Variants in WWC2 observed in about 807,000 individuals in gnomAD.
WWC2 encodes the protein protein WWC2.
A neutral mutation model predicts 138.5 loss-of-function variants in WWC2; 101 were observed. The observed-to-expected ratio is 0.73, with a 90% CI of 0.62 to 0.86. The LOEUF is 0.86. WWC2 is among the 40% of genes least tolerant of loss of function. The pLI is 0.00. For synonymous variants in WWC2, 558 were observed against 538.4 expected, an observed-to-expected ratio of 1.04 and a Z score of -0.50; for missense variants, 1,420 against 1,419.4, an observed-to-expected ratio of 1.00 and a Z score of -0.01.
chr4:183,202,800 C>T (rs1735338701), intron 2 of WWC2, among the ~76,000 whole-genome samples: 1 of 152,100 alleles, frequency 6.6e-6, no homozygotes, highest in Admixed American at 6.6e-5. Flanking sequence ...AGCCTTAGTT[C>T]TAGACACAGA....
chr4:183,209,483 C>T (rs915961926), intron 4 of WWC2, among the ~76,000 whole-genome samples: 6 of 152,266 alleles, frequency 3.9e-5, no homozygotes, highest in South Asian at 2.1e-4. Context: ...GTTATCTGCC[C>T]GCCTTAGCCT....
At chr4:183,205,851 G>T (rs1735432147) in intron 2 of WWC2, among the ~76,000 whole-genome samples, 1 of 151,984 alleles carries the variant, frequency 6.6e-6, no homozygotes, top group African/African-American at 2.4e-5. Flanking sequence ...TGAGCTCGGG[G>T]AATTTATCTG....
In WWC2 at chr4:183,263,824, G is replaced by T. The variant is rs1468881906; in HGVS notation, c.1910-1154G>T. 3.9e-5 allele frequency among the ~76,000 whole-genome samples: 6 copies of T among 152,152 alleles called. No homozygotes were observed. In the East Asian group the frequency reaches 1.2e-3, roughly 29 times the overall value. On this transcript the variant is annotated intron_variant, in intron 11 of 22. Transcript: ENST00000403733. ...CTTTTTTTCAGGGGACGTCTGCCCTGCATGTGGGGTGGTGGCTCCCTATCA... is the reference window on the plus strand; with the variant it reads ...CTTTTTTTCAGGGGACGTCTGCCCTTCATGTGGGGTGGTGGCTCCCTATCA...
intron 4 of WWC2, among the ~76,000 whole-genome samples, chr4:183,212,627 G>T (rs1735630459): frequency 6.6e-6 from 1 of 152,102 alleles, no homozygotes; most frequent in Non-Finnish European, 1.5e-5. Context: ...CACTGTAAAT[G>T]GAATAACCAC....
chr4:183,157,984 G>T (rs1733854930), intron 1 of WWC2, among the ~76,000 whole-genome samples: 1 of 151,932 alleles, frequency 6.6e-6, no homozygotes, highest in Non-Finnish European at 1.5e-5. Context: ...CTTTTCTGTA[G>T]TATGCGATGA....
intron 4 of WWC2, among the ~76,000 whole-genome samples, chr4:183,237,268 G>T: frequency 6.6e-6 from 1 of 150,626 alleles, no homozygotes; most frequent in African/African-American, 2.4e-5. Flanking sequence ...TTTCAGCTCA[G>T]ATATTTGAGT....
chr4:183,255,026 C>T (rs921767232), intron 9 of WWC2, among the ~76,000 whole-genome samples: 6 of 152,192 alleles, frequency 3.9e-5, no homozygotes, highest in South Asian at 2.1e-4. Flanking sequence ...CATGGGGACT[C>T]ACCCACCCCA....
At chr4:183,189,924 G>A (rs1734944477) in intron 1 of WWC2, among the ~76,000 whole-genome samples, 1 of 152,174 alleles carries the variant, frequency 6.6e-6, no homozygotes, top group Non-Finnish European at 1.5e-5. Flanking sequence ...CGTAGGACAT[G>A]TATTTGAGTT....
At chr4:183,304,978 T>C (rs932360379) in intron 21 of WWC2, among the ~76,000 whole-genome samples, 2 of 152,212 alleles carry the variant, frequency 1.3e-5, no homozygotes, top group Middle Eastern at 3.4e-3. Context: ...CTAACTGTGG[T>C]TAGTATGCCA....
Position 183,260,907 on chromosome 4 carries a change from C to CA in WWC2, c.1287-2dup. 2 of 1,611,862 alleles carry CA rather than the reference C, an allele frequency of 1.2e-6. No homozygotes were observed. The highest frequency in any genetic ancestry group is 1.7e-6 in the Non-Finnish European group (2 of 1,179,340). ...TTTATGGTGTGTGCTTTTTGTCTTT[C>CA]AGCCTCTCTGCCAGCACCCTGTCCA... On this transcript the variant is annotated splice_polypyrimidine_tract_variant and splice_region_variant and intron_variant, in intron 10 of 22. Transcript: ENST00000403733.
At chr4:183,213,735 G>A (rs1246884078) in intron 4 of WWC2, among the ~76,000 whole-genome samples, 1 of 151,986 alleles carries the variant, frequency 6.6e-6, no homozygotes, top group East Asian at 1.9e-4. Flanking sequence ...TTTTTATTAA[G>A]ATACTCTTAA....
At chr4:183,314,554 G>T (rs1667252557) in intron 22 of WWC2, among the ~76,000 whole-genome samples, 1 of 152,144 alleles carries the variant, frequency 6.6e-6, no homozygotes, top group South Asian at 2.1e-4. Context: ...CGTTCTGCCC[G>T]GCACCACCCC....
intron 22 of WWC2, 67 bp from the exon 23 acceptor site, chr4:183,315,596 G>C: frequency 7.4e-7 from 1 of 1,342,584 alleles, no homozygotes; most frequent in Non-Finnish European, 1.0e-6. Context: ...CTTGGGGACT[G>C]TTTTAATGGT....
intron 1 of WWC2, among the ~76,000 whole-genome samples, chr4:183,188,500 A>G (rs946079076): frequency 6.6e-6 from 1 of 151,916 alleles, no homozygotes. Context: ...AGCATCCCAA[A>G]ATGCTGGGAT....
intron 1 of WWC2, among the ~76,000 whole-genome samples, chr4:183,191,527 A>G (rs2111206550): frequency 6.6e-6 from 1 of 152,272 alleles, no homozygotes; most frequent in South Asian, 2.1e-4. Context: ...TCTAGGTTGT[A>G]TAGTGAGTAA....
intron 21 of WWC2, among the ~76,000 whole-genome samples, chr4:183,290,121 C>G (rs1226165934): frequency 3.3e-5 from 5 of 152,080 alleles, no homozygotes; most frequent in Non-Finnish European, 2.9e-5. Flanking sequence ...CACTTTCATT[C>G]TTATCTTAAA....
rs889017804 is a variant in WWC2 at position 183,126,949 on chromosome 4, C to G, written c.131+27327C>G. 3.4e-5 allele frequency among the ~76,000 whole-genome samples: 5 copies of G among 148,916 alleles called. No individual in the cohort carries two copies. The South Asian group carries it at 1.1e-3, about 32-fold the overall frequency. ...ATAGAGTCTCACTGTATTGCCCAGACTGGTCTCAAACTCCTGGGCTCAAGG... is the reference window on the plus strand; with the variant it reads ...ATAGAGTCTCACTGTATTGCCCAGAGTGGTCTCAAACTCCTGGGCTCAAGG... On this transcript the variant is annotated intron_variant, in intron 1 of 22. Coordinates refer to ENST00000403733, the MANE Select transcript of WWC2 (RefSeq NM_024949.6).
At chr4:183,155,221 A>AGAGAGAGAGAGAGAGTGAGAGT (rs61543148) in intron 1 of WWC2, among the ~76,000 whole-genome samples, 9 of 135,280 alleles carry the variant, frequency 6.7e-5, no homozygotes, top group African/African-American at 1.9e-4. Flanking sequence ...AGAGAGAGAG[A>AGAGAGAGAGAGAGAGTGAGAGT]GAGTTAGTTG....
rs189985856 is a variant in WWC2, at chr4:183,256,533, C to T, written c.1196+2534C>T. Among the ~76,000 whole-genome samples, 145 of 152,194 alleles carry T rather than the reference C, an allele frequency of 9.5e-4. 1 individual carries two copies. The highest frequency in any genetic ancestry group is 9.1e-3 in the South Asian group (44 of 4,818). On this transcript the variant is annotated intron_variant, in intron 9 of 22. Transcript: ENST00000403733. ...CTGCTCATTGCTGCTGTTGCACTGA[C>T]GCCGGGAGTTTAAGAGGGAAGAGAA...
Sources: gnomAD v4.1 joint callset for allele counts (sites outside exome capture counted in the v4.1 genomes callset) on GRCh38, gnomAD v4.1.1 for gene constraint, MANE v1.5 for transcripts, NCBI Gene and HGNC (gene_info 2026-07-23, HGNC 2026-07-21) for gene names.